MS4A1: variants seen among roughly 807,000 people sequenced by gnomAD.
MS4A1 encodes the protein B-lymphocyte antigen CD20.
Under a neutral mutation model 26.5 loss-of-function variants are expected in MS4A1, and 16 were observed. That is an observed-to-expected ratio of 0.60 (90% confidence interval 0.41 to 0.92). The LOEUF (loss-of-function observed/expected upper bound fraction) is 0.92, where lower values mean the gene tolerates loss of function less well. Ranked by LOEUF, MS4A1 falls within the 40% of genes least tolerant of loss-of-function variation. The probability of loss-of-function intolerance (pLI) is 0.00; values close to 1 mark genes in which losing one functional copy is unlikely to be tolerated. For missense variants in MS4A1, 350 were observed against 353.0 expected (o/e 0.99, Z 0.07); for synonymous variants, 128 against 117.6 (o/e 1.09, Z -0.57).
chr11:60,464,372 A>G, intron 5 of MS4A1, 28 bp downstream of exon 5: 1 of 1,606,986 alleles, frequency 6.2e-7, no homozygotes. Flanking sequence ...CTTCTTTCCC[A>G]CATGTCAGAG....
intron 4 of MS4A1, chr11:60,463,713 T>G: frequency 4.7e-6 from 2 of 424,618 alleles, no homozygotes; most frequent in Non-Finnish European, 4.8e-6. Context: ...ATTAAAATTT[T>G]CCAAACAAGT....
rs2086244509 is a variant in MS4A1 at position 60,461,151 on chromosome 11, A to C, written c.-200A>C. On this transcript the variant is annotated 5_prime_UTR_variant, in exon 2 of 8. Coordinates refer to ENST00000345732, the MANE Select transcript of MS4A1 (RefSeq NM_152866.3). ...GGAAGAGACTGACAATAAGCAATTA[A>C]ATAAATAAGGTAATTTCCTACAGTG... 6.6e-6 allele frequency: 1 copy of C among 151,858 alleles called. No homozygotes were observed. The highest frequency in any genetic ancestry group is 2.4e-5 in the African/African-American group (1 of 41,458). 9.4% of individuals were successfully genotyped at this position (151,858 alleles called of 1,614,324 possible).
chr11:60,464,284 ACAGTATATTATTTC>A lies in MS4A1; in HGVS notation c.280-2_291del. 7.0e-7 allele frequency: 1 copy of A among 1,420,950 alleles called. No homozygotes were observed. The highest frequency in any genetic ancestry group is 9.4e-7 in the Non-Finnish European group (1 of 1,062,794). 88.0% of individuals were successfully genotyped at this position (1,420,950 alleles called of 1,614,324 possible). A position where few individuals can be genotyped will look rare whatever the true frequency, so the allele number is the denominator to read the frequency against. On this transcript the variant is annotated splice_acceptor_variant and splice_polypyrimidine_tract_variant and coding_sequence_variant and intron_variant, in exon 5 of 8. Transcript: ENST00000345732. LOFTEE classifies it high-confidence loss of function. Reference sequence around the variant, plus strand: ...TCCATCTCCCCCACCTCTCTTTTTTACAGTATATTATTTCCGGATCACTCCTGGCAGCAACGGAG... The same window carrying A: ...TCCATCTCCCCCACCTCTCTTTTTTACGGATCACTCCTGGCAGCAACGGAG...
rs1166534226 is a variant in MS4A1 at position 60,462,482 on chromosome 11, A to G, written c.108A>G (p.Ser36=). Residue 36 remains serine, a synonymous_variant, in exon 3 of 8, where the codon TCA becomes TCG. Transcript: ENST00000345732. ...GPKPLFRRMS[S]LVGPTQSFFM... is the part of the protein sequence containing the mutation. ...AACCACTCTTCAGGAGGATGTCTTC[A>G]CTGGTGGGCCCCACGCAAAGCTTCT... The G allele has an allele frequency of 1.9e-6, 3 of 1,614,108 alleles. No homozygotes were observed. Among genetic ancestry groups the G allele is most frequent in the Non-Finnish European group, 2.5e-6 (3 of 1,180,046 alleles).
In MS4A1 at chr11:60,469,448, G is replaced by T. The variant is rs1266527879; in HGVS notation, c.*980G>T. On this transcript the variant is annotated 3_prime_UTR_variant, in exon 8 of 8. Coordinates refer to ENST00000345732, the MANE Select transcript of MS4A1 (RefSeq NM_152866.3). ...CCAGGTCTTCTTACTCAAATCCTGT[G>T]ATGTTTGAAATAACCAAATTGTCTC... The T allele has an allele frequency of 6.6e-6, 1 of 152,098 alleles. No homozygotes were observed. The highest frequency in any genetic ancestry group is 2.4e-5 in the African/African-American group (1 of 41,430). The allele number at this position is 152,098 out of a possible 1,614,324, so 9.4% of individuals were successfully genotyped here.
intron 4 of MS4A1, 130 bp downstream of exon 4, chr11:60,463,251 A>T (rs1269324778): frequency 1.1e-5 from 15 of 1,314,894 alleles, no homozygotes; most frequent in Non-Finnish European, 5.3e-6. Context: ...GGGTTAAAGT[A>T]ATTAAGAAGA....
At chr11:60,465,840 G>C in intron 5 of MS4A1, 81 bp from the exon 6 acceptor site, 2 of 1,089,064 alleles carry the variant, frequency 1.8e-6, no homozygotes, top group South Asian at 2.5e-5. Flanking sequence ...AGTCAGGGCA[G>C]TTGCATTTGG....
chr11:60,462,960 A>AT, intron 3 of MS4A1, 42 bp from the exon 4 acceptor site: 2 of 1,610,762 alleles, frequency 1.2e-6, no homozygotes. Flanking sequence ...GCTAGCAGTG[A>AT]TGATTTCAGC....
At chr11:60,463,183 C>G (rs1471384863) in intron 4 of MS4A1, 62 bp downstream of exon 4, 2 of 1,602,700 alleles carry the variant, frequency 1.2e-6, no homozygotes, top group Non-Finnish European at 1.7e-6. Context: ...AAAGGCTCCA[C>G]AGGGATATGC....
chr11:60,460,329 C>A (rs2086238219), intron 1 of MS4A1, among the ~76,000 whole-genome samples: 1 of 152,166 alleles, frequency 6.6e-6, no homozygotes. Flanking sequence ...CTTGTTTCCT[C>A]TTCTATAAAA....
Position 60,470,024 on chromosome 11 carries a change from A to T in MS4A1, c.*1556A>T, listed in dbSNP as rs1307227257. On this transcript the variant is annotated 3_prime_UTR_variant, in exon 8 of 8. Transcript: ENST00000345732. The stretch of plus-strand genomic sequence containing the variant: ...TGTAAAGTTCTCAAAATTTGTTCTA[A>T]ATTAATAAAACTATCTTTGTGTTCT... The T allele has an allele frequency of 6.6e-6, 1 of 152,100 alleles. No homozygotes were observed. The highest frequency in any genetic ancestry group is 2.4e-5 in the African/African-American group (1 of 41,450). The allele number at this position is 152,100 out of a possible 1,614,324, so 9.4% of individuals were successfully genotyped here.
chr11:60,466,346 A>C (rs1330498841), intron 6 of MS4A1, among the ~76,000 whole-genome samples, 189 bp downstream of exon 6: 1 of 152,224 alleles, frequency 6.6e-6, no homozygotes, highest in Non-Finnish European at 1.5e-5. Context: ...TGGTAACACT[A>C]TTTATCTAAT....
At position 60,458,316 on chromosome 11, in the gene MS4A1, A is replaced by T. The variant is rs190716934; in HGVS notation, c.-280+2371A>T. 59 of 152,370 alleles carry T rather than the reference A, an allele frequency of 3.9e-4. 1 individual carries two copies. Among genetic ancestry groups the T allele is most frequent in the African/African-American group, 1.2e-3 (49 of 41,586 alleles). 9.4% of individuals were successfully genotyped at this position (152,370 alleles called of 1,614,324 possible). A position where few individuals can be genotyped will look rare whatever the true frequency, so the allele number is the denominator to read the frequency against. On this transcript the variant is annotated intron_variant, in intron 1 of 7. Coordinates refer to ENST00000345732, the MANE Select transcript of MS4A1 (RefSeq NM_152866.3). ...GAAGATGAGGTAACAACAGTGAGGC[A>T]GTTTTTAAACTTCTCAGTACATGAT...
At chr11:60,462,744 G>A (rs2135197728) in intron 3 of MS4A1, among the ~76,000 whole-genome samples, 1 of 152,280 alleles carries the variant, frequency 6.6e-6, no homozygotes, top group South Asian at 2.1e-4. Context: ...TCACCTTTTG[G>A]TTTTGGGGCT....
At position 60,463,106 on chromosome 11, in the gene MS4A1, C is replaced by T. The variant is rs1331860238; in HGVS notation, c.264C>T (p.Leu88=). Residue 88 remains leucine, a synonymous_variant, in exon 4 of 8, where the codon CTC becomes CTT. Coordinates refer to ENST00000345732, the MANE Select transcript of MS4A1 (RefSeq NM_152866.3). The part of the protein sequence containing the change: ...APICVTVWYP[L]WGGIMYIISG... ...TCTGTGTGACTGTGTGGTACCCTCT[C>T]TGGGGAGGCATTATGGTGAGTAAAA... The T allele has an allele frequency of 6.2e-7, 1 of 1,614,152 alleles. No homozygotes were observed. Among genetic ancestry groups the T allele is most frequent in the Non-Finnish European group, 8.5e-7 (1 of 1,180,026 alleles).
At chr11:60,458,532 C>T (rs2135192537) in intron 1 of MS4A1, among the ~76,000 whole-genome samples, 1 of 152,304 alleles carries the variant, frequency 6.6e-6, no homozygotes, top group South Asian at 2.1e-4. Context: ...CTGATTTGGA[C>T]ACCAGCAAAT....
rs200821362 is a variant in MS4A1 at position 60,462,290 on chromosome 11, T to C, written c.-85T>C. 2.5e-5 allele frequency: 35 copies of C among 1,423,274 alleles called. No homozygotes were observed. Among genetic ancestry groups the C allele is most frequent in the Non-Finnish European group, 2.8e-5 (28 of 1,009,228 alleles). 88.2% of individuals were successfully genotyped at this position (1,423,274 alleles called of 1,614,324 possible). ...ATGCTGAGAGAAGCATTCAGATGCA[T>C]GACACAAGGTAAGACTGCCAAAAAT... On this transcript the variant is annotated 5_prime_UTR_variant, in exon 3 of 8. It removes an upstream start codon present in the reference 5' UTR. Transcript: ENST00000345732.
Position 60,468,493 on chromosome 11 carries a change from C to T in MS4A1, c.*25C>T, listed in dbSNP as rs756275023. The T allele has an allele frequency of 2.5e-5, 40 of 1,603,228 alleles. No individual in the cohort carries two copies. In the Admixed American group the frequency reaches 6.7e-4, roughly 27 times the overall value. ...AGTGATTTCTTCTGTTTTCTGTTTCCTTTTTTAAACATTAGTGTTCATAGC... is the reference window on the plus strand; with the variant it reads ...AGTGATTTCTTCTGTTTTCTGTTTCTTTTTTTAAACATTAGTGTTCATAGC... On this transcript the variant is annotated 3_prime_UTR_variant, in exon 8 of 8. Transcript: ENST00000345732.
chr11:60,460,854 G>C (rs1050882486), intron 1 of MS4A1, among the ~76,000 whole-genome samples: 1 of 151,730 alleles, frequency 6.6e-6, no homozygotes, highest in African/African-American at 2.4e-5. Flanking sequence ...CTTTGTCCTA[G>C]GCACAATTAC....
Sources: allele counts gnomAD v4.1 joint callset (sites outside exome capture counted in the v4.1 genomes callset), GRCh38; gene constraint gnomAD v4.1.1; transcripts MANE v1.5; gene names NCBI Gene and HGNC (gene_info 2026-07-23, HGNC 2026-07-21).